NF1: variants seen among roughly 807,000 people sequenced by gnomAD.
The protein encoded by NF1 is neurofibromin 1.
A neutral mutation model predicts 325.7 loss-of-function variants in NF1; 122 were observed. The observed-to-expected ratio is 0.37, with a 90% CI of 0.32 to 0.44. The LOEUF is 0.44. Ranked by LOEUF, NF1 falls within the 20% of genes least tolerant of loss-of-function variation. NF1 has a pLI of 1.00. For missense variants in NF1, 2,140 were observed against 3,415.4 expected (o/e 0.63, Z 9.31); for synonymous variants, 1,091 against 1,186.0 (o/e 0.92, Z 1.65).
intron 1 of NF1, chr17:31,128,392 T>C (rs1597592525): frequency 6.6e-6 from 1 of 152,294 alleles, no homozygotes; most frequent in South Asian, 2.1e-4. Context: ...TATGCTGACT[T>C]GTTGGCATGG....
intron 34 of NF1, 130 bp downstream of exon 34, chr17:31,260,645 A>G: frequency 8.4e-7 from 1 of 1,194,046 alleles, no homozygotes; most frequent in Non-Finnish European, 1.2e-6. Context: ...AGAAAGAGAA[A>G]GATTCTTTTT....
chr17:31,325,164 G>A (rs2069310044), intron 36 of NF1, among the ~76,000 whole-genome samples: 1 of 152,122 alleles, frequency 6.6e-6, no homozygotes, highest in Non-Finnish European at 1.5e-5. Context: ...TTGACCCCAG[G>A]AGAGGCTTTA....
At chr17:31,208,862 G>T (rs924126825) in intron 12 of NF1, among the ~76,000 whole-genome samples, 4 of 152,038 alleles carry the variant, frequency 2.6e-5, no homozygotes, top group Non-Finnish European at 5.9e-5. Context: ...TTGCACCCCA[G>T]TGTGGACAAC....
chr17:31,163,072 T>G, intron 3 of NF1, 114 bp from the exon 4 acceptor site: 1 of 868,774 alleles, frequency 1.2e-6, no homozygotes, highest in Non-Finnish European at 1.8e-6. Flanking sequence ...CTAGGTGGTG[T>G]GTATGTAAGG....
intron 36 of NF1, chr17:31,272,368 C>T (rs755451699): frequency 2.0e-5 from 3 of 152,202 alleles, no homozygotes; most frequent in Non-Finnish European, 4.4e-5. Flanking sequence ...TCTTTGGGGT[C>T]ACTGCTGTAT....
intron 1 of NF1, among the ~76,000 whole-genome samples, chr17:31,135,989 T>G (rs1383061314): frequency 1.3e-5 from 2 of 152,056 alleles, no homozygotes; most frequent in African/African-American, 4.8e-5. Context: ...TCTTTAGAAT[T>G]TCTTTTGATG....
intron 51 of NF1, among the ~76,000 whole-genome samples, chr17:31,353,058 G>A (rs1022235650): frequency 3.9e-5 from 6 of 152,118 alleles, no homozygotes; most frequent in Admixed American, 3.3e-4. Context: ...ACAGGCACAC[G>A]TCACCACATC....
intron 8 of NF1, among the ~76,000 whole-genome samples, chr17:31,185,838 G>A (rs1192897298): frequency 2.0e-5 from 3 of 152,194 alleles, no homozygotes; most frequent in Non-Finnish European, 4.4e-5. Flanking sequence ...AGTGTCAGTG[G>A]CAGATAAGGA....
At chr17:31,271,390 C>G (rs534940143) in intron 36 of NF1, among the ~76,000 whole-genome samples, 46 of 152,180 alleles carry the variant, frequency 3.0e-4, no homozygotes, top group African/African-American at 1.0e-3. Flanking sequence ...TATGTTAATA[C>G]AGATGAATGT....
chr17:31,174,960 T>A (rs1250195809), intron 5 of NF1, among the ~76,000 whole-genome samples: 1 of 151,620 alleles, frequency 6.6e-6, no homozygotes, highest in Non-Finnish European at 1.5e-5. Flanking sequence ...AATACAAAAA[T>A]TAGCTGGGTG....
At chr17:31,349,533 A>C (rs2070087719) in intron 49 of NF1, among the ~76,000 whole-genome samples, 1 of 152,212 alleles carries the variant, frequency 6.6e-6, no homozygotes. Context: ...TGAATGCTTC[A>C]GTCTAGCACC....
At position 31,196,934 on chromosome 17, in the gene NF1, T is replaced by C. The variant is rs182973499; in HGVS notation, c.889-3488T>C. On this transcript the variant is annotated intron_variant, in intron 8 of 57. Coordinates refer to ENST00000358273, the MANE Select transcript of NF1 (RefSeq NM_001042492.3). ...CCACATTGTTTTGATTACTGTAGCTTTGTAGTAAGTTTTCAAATAAGAAAG... is the reference window on the plus strand; with the variant it reads ...CCACATTGTTTTGATTACTGTAGCTCTGTAGTAAGTTTTCAAATAAGAAAG... 8.5e-5 allele frequency among the ~76,000 whole-genome samples: 13 copies of C among 152,324 alleles called. No individual in the cohort carries two copies. In the East Asian group the frequency reaches 1.9e-3, roughly 23 times the overall value.
intron 39 of NF1, 125 bp downstream of exon 39, chr17:31,330,623 T>G: frequency 1.3e-6 from 1 of 762,244 alleles, no homozygotes. Flanking sequence ...CCTCTTCTGA[T>G]TTTATATCTG....
Position 31,233,213 on chromosome 17 carries a change from G to A in NF1, c.3708G>A (p.Trp1236Ter), listed in dbSNP as rs2067145586. ...ALANVVPCSQ[W>*]DELARVLVTL... ...CCAATGTGGTTCCTTGTTCTCAGTGGGTAAGTGATTAGAGTAAGCGGGGAA... is the reference window on the plus strand; with the variant it reads ...CCAATGTGGTTCCTTGTTCTCAGTGAGTAAGTGATTAGAGTAAGCGGGGAA... Residue 1236 changes from tryptophan to a stop codon, truncating the protein, a stop_gained and splice_region_variant, in exon 27 of 58, where the codon TGG (tryptophan) becomes TGA (stop). Transcript: ENST00000358273. LOFTEE classifies it high-confidence loss of function. 2 of 1,613,724 alleles carry A rather than the reference G, an allele frequency of 1.2e-6. No individual in the cohort carries two copies. Among genetic ancestry groups the A allele is most frequent in the Non-Finnish European group, 1.7e-6 (2 of 1,179,664 alleles).
At chr17:31,177,648 G>C (rs576657392) in intron 5 of NF1, among the ~76,000 whole-genome samples, 13 of 152,044 alleles carry the variant, frequency 8.6e-5, no homozygotes, top group Non-Finnish European at 1.9e-4. Flanking sequence ...TTGCTGACTA[G>C]AATAACCATC....
At chr17:31,199,979 T>C (rs1386919296) in intron 8 of NF1, among the ~76,000 whole-genome samples, 2 of 151,794 alleles carry the variant, frequency 1.3e-5, no homozygotes, top group East Asian at 3.9e-4. Context: ...CTACTAAAAA[T>C]ACAAAAATTA....
chr17:31,137,727 A>AT (rs1293762496), intron 1 of NF1: 22 of 152,288 alleles, frequency 1.4e-4, no homozygotes, highest in Non-Finnish European at 2.9e-4. Context: ...GGAAAAAAAA[A>AT]AAAGTACAAA....
chr17:31,107,076 T>G (rs755477189), intron 1 of NF1, among the ~76,000 whole-genome samples: 4 of 152,184 alleles, frequency 2.6e-5, no homozygotes, highest in Non-Finnish European at 4.4e-5. Flanking sequence ...TCTTTTTCCC[T>G]ATAACAACCC....
intron 8 of NF1, among the ~76,000 whole-genome samples, chr17:31,195,996 G>T (rs2066427986): frequency 6.6e-6 from 1 of 151,718 alleles, no homozygotes; most frequent in African/African-American, 2.4e-5. Flanking sequence ...TTGATTTTTT[G>T]AAGAATTTCT....
Sources: gnomAD v4.1 joint callset for allele counts (sites outside exome capture counted in the v4.1 genomes callset) on GRCh38, gnomAD v4.1.1 for gene constraint, MANE v1.5 for transcripts, NCBI Gene and HGNC (gene_info 2026-07-23, HGNC 2026-07-21) for gene names.